The following MPV17L2 variants were observed in gnomAD, a reference collection of about 807,000 sequenced individuals.
MPV17L2 encodes the protein MPV17 mitochondrial inner membrane protein like 2, also known as mpv17-like protein 2.
Under a neutral mutation model 24.2 loss-of-function variants are expected in MPV17L2, and 25 were observed. That is an observed-to-expected ratio of 1.03 (90% confidence interval 0.75 to 1.44). The LOEUF is 1.44. Ranked by LOEUF, MPV17L2 falls within the 40% of genes most tolerant of loss-of-function variation. The pLI, the probability that MPV17L2 is intolerant of heterozygous loss-of-function variation, is 0.00. For missense variants in MPV17L2, 271 were observed against 276.2 expected (o/e 0.98, Z 0.13); for synonymous variants, 130 against 121.4 (o/e 1.07, Z -0.46).
At chr19:18,195,496 A>G (rs1274844241) in intron 4 of MPV17L2, among the ~76,000 whole-genome samples, 2 of 150,894 alleles carry the variant, frequency 1.3e-5, no homozygotes, top group East Asian at 3.9e-4. Context: ...AGATCATGCC[A>G]CTGCACTCCA....
At chr19:18,195,668 C>A (rs1373189399) in intron 4 of MPV17L2, among the ~76,000 whole-genome samples, 1 of 143,648 alleles carries the variant, frequency 7.0e-6, no homozygotes, top group African/African-American at 2.5e-5. Flanking sequence ...CCTGTCTCTA[C>A]TAAAAATACA....
Position 18,196,141 on chromosome 19 carries a change from C to T in MPV17L2, c.*86C>T, listed in dbSNP as rs774918951. The stretch of plus-strand genomic sequence containing the variant: ...AAGGGGAATGGGCTCCTGCAGCAAG[C>T]TCGGGTCTTGAGCCACGTCCCAGCA... On this transcript the variant is annotated 3_prime_UTR_variant, in exon 5 of 5. Transcript: ENST00000599612. The T allele has an allele frequency of 1.2e-6, 2 of 1,604,830 alleles. No individual in the cohort carries two copies.
rs544930169 is a variant in MPV17L2 at position 18,196,485 on chromosome 19, G to T, written c.*430G>T. 9.4e-6 allele frequency: 12 copies of T among 1,271,612 alleles called. No individual in the cohort carries two copies. The African/African-American group carries it at 1.1e-4, about 11-fold the overall frequency. The allele number at this position is 1,271,612 out of a possible 1,614,324, so 78.8% of individuals were successfully genotyped here. On this transcript the variant is annotated 3_prime_UTR_variant, in exon 5 of 5. Coordinates refer to ENST00000599612, the MANE Select transcript of MPV17L2 (RefSeq NM_032683.3). ...TCAGAGCAGGCTCAGGCCTGGAGTCGGCCCCCAAAAGTTTCACATAGGGCC... is the reference window on the plus strand; with the variant it reads ...TCAGAGCAGGCTCAGGCCTGGAGTCTGCCCCCAAAAGTTTCACATAGGGCC...
At chr19:18,194,370 G>T (rs1967474074) in intron 2 of MPV17L2, among the ~76,000 whole-genome samples, 1 of 152,194 alleles carries the variant, frequency 6.6e-6, no homozygotes, top group Non-Finnish European at 1.5e-5. Flanking sequence ...TGAAGGAAGA[G>T]AAATTGAGGC....
rs1439052178 is a variant in MPV17L2, at chr19:18,193,917, T to C, written c.241T>C (p.Leu81=). 1 of 1,614,192 alleles carries C rather than the reference T, an allele frequency of 6.2e-7. No individual in the cohort carries two copies. The highest frequency in any genetic ancestry group is 1.7e-5 in the Admixed American group (1 of 60,024). ...GGGTCCCTTCCTGCACTACTGGTACTTGTCGCTGGACCGCCTATTCCCTGC... is the reference window on the plus strand; with the variant it reads ...GGGTCCCTTCCTGCACTACTGGTACCTGTCGCTGGACCGCCTATTCCCTGC... ...SMGPFLHYWY[L]SLDRLFPASG... is the part of the protein sequence containing the mutation. The change falls in exon 2 of 5, where the codon TTG becomes CTG. Residue 81 remains leucine, a synonymous_variant. Coordinates refer to ENST00000599612, the MANE Select transcript of MPV17L2 (RefSeq NM_032683.3).
At chr19:18,194,450 C>G (rs993140213) in intron 2 of MPV17L2, among the ~76,000 whole-genome samples, 2 of 152,204 alleles carry the variant, frequency 1.3e-5, no homozygotes, top group African/African-American at 4.8e-5. Flanking sequence ...AGAGGAGTCT[C>G]TCATTCTCCA....
chr19:18,195,123 C>T (rs772040049), intron 4 of MPV17L2, 37 bp downstream of exon 4: 3 of 1,601,202 alleles, frequency 1.9e-6, no homozygotes, highest in African/African-American at 2.7e-5. Context: ...CCAGGGGACT[C>T]CCCAGGGGGC....
chr19:18,195,989 G>C lies in MPV17L2; in HGVS notation c.565-10G>C, dbSNP rs1168733535. The C allele has an allele frequency of 6.2e-7, 1 of 1,601,506 alleles. No individual in the cohort carries two copies. Among genetic ancestry groups the C allele is most frequent in the Non-Finnish European group, 8.5e-7 (1 of 1,172,436 alleles). Reference sequence around the variant, plus strand: ...GGCTTCTGACCAGATGCCTTGTCTTGTGTGGACAGAGCCCAGTTCCTCTGA... The same window carrying C: ...GGCTTCTGACCAGATGCCTTGTCTTCTGTGGACAGAGCCCAGTTCCTCTGA... On this transcript the variant is annotated splice_polypyrimidine_tract_variant and intron_variant, in intron 4 of 4. Coordinates refer to ENST00000599612, the MANE Select transcript of MPV17L2 (RefSeq NM_032683.3).
rs1190927658 is a variant in MPV17L2, at chr19:18,196,301, C to T, written c.*246C>T. On this transcript the variant is annotated 3_prime_UTR_variant, in exon 5 of 5. Coordinates refer to ENST00000599612, the MANE Select transcript of MPV17L2 (RefSeq NM_032683.3). Reference sequence around the variant, plus strand: ...CCTTCTCAGCAGGAACCTCATGCGACCTGTGACCAAGATGTCCCATCCTCA... The same window carrying T: ...CCTTCTCAGCAGGAACCTCATGCGATCTGTGACCAAGATGTCCCATCCTCA... 4.1e-6 allele frequency: 6 copies of T among 1,462,930 alleles called. No homozygotes were observed. Among genetic ancestry groups the T allele is most frequent in the Middle Eastern group, 1.8e-4 (1 of 5,678 alleles). The allele number at this position is 1,462,930 out of a possible 1,614,324, so 90.6% of individuals were successfully genotyped here.
intron 1 of MPV17L2, 157 bp downstream of exon 1, chr19:18,193,625 G>T (rs1967462345): frequency 1.4e-6 from 2 of 1,412,984 alleles, no homozygotes; most frequent in African/African-American, 1.4e-5. Flanking sequence ...GCAGCTCTGG[G>T]TCTCCATCAC....
At position 18,196,809 on chromosome 19, in the gene MPV17L2, A is replaced by G; in HGVS notation, c.*754A>G. 6.8e-6 allele frequency: 2 copies of G among 293,248 alleles called. No individual in the cohort carries two copies. The highest frequency in any genetic ancestry group is 1.8e-4 in the East Asian group (2 of 11,308). 18.2% of individuals were successfully genotyped at this position (293,248 alleles called of 1,614,324 possible). ...TCACAGGGACACACATGGATGGTCCATTCGCTTTATTGGGTGCGTGTAGTG... is the reference window on the plus strand; with the variant it reads ...TCACAGGGACACACATGGATGGTCCGTTCGCTTTATTGGGTGCGTGTAGTG... On this transcript the variant is annotated 3_prime_UTR_variant, in exon 5 of 5. Transcript: ENST00000599612.
chr19:18,194,674 GCTCTCAGGGGCC>G (rs1967478704), intron 2 of MPV17L2, 91 bp from the exon 3 acceptor site: 1 of 1,026,898 alleles, frequency 9.7e-7, no homozygotes, highest in African/African-American at 1.6e-5. Context: ...GGCGGCGTGG[GCTCTCAGGGGCC>G]CAACCCCGCC....
At position 18,195,762 on chromosome 19, in the gene MPV17L2, G is replaced by A. The variant is rs554616253; in HGVS notation, c.565-237G>A. Among the ~76,000 whole-genome samples the A allele has an allele frequency of 1.5e-3, 226 of 151,586 alleles. 1 individual carries two copies. The highest frequency in any genetic ancestry group is 2.6e-3 in the Admixed American group (40 of 15,242). On this transcript the variant is annotated intron_variant, in intron 4 of 4. Transcript: ENST00000599612. Reference sequence around the variant, plus strand: ...TGAGACCGGAGAATGGCCTGAACCCGGGCAGCGAAGCTTGCAGTGAGCCGA... The same window carrying A: ...TGAGACCGGAGAATGGCCTGAACCCAGGCAGCGAAGCTTGCAGTGAGCCGA...
chr19:18,196,158 G>T lies in MPV17L2; in HGVS notation c.*103G>T, dbSNP rs574129906. The T allele has an allele frequency of 6.3e-7, 1 of 1,589,634 alleles. No homozygotes were observed. The highest frequency in any genetic ancestry group is 2.3e-5 in the East Asian group (1 of 44,078). On this transcript the variant is annotated 3_prime_UTR_variant, in exon 5 of 5. Transcript: ENST00000599612. ...GCAGCAAGCTCGGGTCTTGAGCCAC[G>T]TCCCAGCACCACTTCAGCTCCGGAG...
chr19:18,193,833 C>T, intron 1 of MPV17L2, 31 bp from the exon 2 acceptor site: 2 of 1,608,036 alleles, frequency 1.2e-6, no homozygotes, highest in South Asian at 1.1e-5. Context: ...CTTGCCGGCC[C>T]GACCCAGCCC....
Position 18,196,443 on chromosome 19 carries a change from G to A in MPV17L2, c.*388G>A. ...CCCTCAGGTCCTGGGACTAAGGCGGGGACATGACTGATCCCCTCAGAGCAG... is the reference window on the plus strand; with the variant it reads ...CCCTCAGGTCCTGGGACTAAGGCGGAGACATGACTGATCCCCTCAGAGCAG... On this transcript the variant is annotated 3_prime_UTR_variant, in exon 5 of 5. Coordinates refer to ENST00000599612, the MANE Select transcript of MPV17L2 (RefSeq NM_032683.3). 7.7e-7 allele frequency: 1 copy of A among 1,300,420 alleles called. No individual in the cohort carries two copies. 80.6% of individuals were successfully genotyped at this position (1,300,420 alleles called of 1,614,324 possible).
At chr19:18,195,884 A>G in intron 4 of MPV17L2, 115 bp from the exon 5 acceptor site, 4 of 979,484 alleles carry the variant, frequency 4.1e-6, no homozygotes, top group East Asian at 4.8e-5. Context: ...ATGTGACCTC[A>G]GCCCGGTCCC....
Position 18,196,234 on chromosome 19 carries a change from C to T in MPV17L2, c.*179C>T. 1 of 1,528,548 alleles carries T rather than the reference C, an allele frequency of 6.5e-7. No homozygotes were observed. The highest frequency in any genetic ancestry group is 8.8e-7 in the Non-Finnish European group (1 of 1,141,894). 94.7% of individuals were successfully genotyped at this position (1,528,548 alleles called of 1,614,324 possible). On this transcript the variant is annotated 3_prime_UTR_variant, in exon 5 of 5. Transcript: ENST00000599612. Reference sequence around the variant, plus strand: ...GCTCACTTCTGGGACTGAGTTTCCTCAACCGGAACACACCCATGAAGATGG... The same window carrying T: ...GCTCACTTCTGGGACTGAGTTTCCTTAACCGGAACACACCCATGAAGATGG...
At chr19:18,193,531 C>G (rs1317248881) in intron 1 of MPV17L2, 63 bp downstream of exon 1, 23 of 1,422,584 alleles carry the variant, frequency 1.6e-5, no homozygotes, top group Non-Finnish European at 2.0e-5. Context: ...CACCCGACTG[C>G]GGGCCGTGAC....
Sources: allele counts gnomAD v4.1 joint callset (sites outside exome capture counted in the v4.1 genomes callset), GRCh38; gene constraint gnomAD v4.1.1; transcripts MANE v1.5; gene names NCBI Gene and HGNC (gene_info 2026-07-23, HGNC 2026-07-21).